The following CTNND2 variants were observed in gnomAD, a reference collection of about 807,000 sequenced individuals.
The protein encoded by CTNND2 is catenin delta-2.
Under a neutral mutation model 144.4 loss-of-function variants are expected in CTNND2, and 22 were observed. The observed-to-expected ratio is 0.15, with a 90% confidence interval of 0.11 to 0.22. CTNND2 has a LOEUF of 0.22. Ranked by LOEUF, CTNND2 falls within the 10% of genes least tolerant of loss-of-function variation. The pLI, the probability that CTNND2 is intolerant of heterozygous loss-of-function variation, is 1.00. For synonymous variants in CTNND2, 751 were observed against 695.6 expected, an observed-to-expected ratio of 1.08 and a Z score of -1.25; for missense variants, 1,353 against 1,618.8, an observed-to-expected ratio of 0.84 and a Z score of 2.82.
chr5:11,236,111 G>C (rs1185401590), intron 10 of CTNND2, among the ~76,000 whole-genome samples: 1 of 152,168 alleles, frequency 6.6e-6, no homozygotes, highest in Admixed American at 6.5e-5. Context: ...AAAACACAGA[G>C]CATGTTAACA....
chr5:11,022,786 G>A lies in CTNND2; in HGVS notation c.2982C>T (p.Ser994=). The part of the protein sequence containing the change: ...AGGIEKLVGI[S]KSKGDKHSPK... ...TAACTTACTTATCTCCTTTGCTTTT[G>A]GAGATGCCGACCAACTTCTCGATGC... Residue 994 remains serine (S), a synonymous_variant, in exon 17 of 22, where the codon TCC becomes TCT. Coordinates refer to ENST00000304623, the MANE Select transcript of CTNND2 (RefSeq NM_001332.4). The A allele has an allele frequency of 6.2e-7, 1 of 1,614,000 alleles. No homozygotes were observed. The highest frequency in any genetic ancestry group is 8.5e-7 in the Non-Finnish European group (1 of 1,179,966).
chr5:11,572,832 T>C, intron 2 of CTNND2, among the ~76,000 whole-genome samples: 1 of 152,204 alleles, frequency 6.6e-6, no homozygotes, highest in East Asian at 1.9e-4. Context: ...ACAGCAATTC[T>C]GTATTTCTTC....
chr5:11,891,968 T>A (rs1736998132), intron 1 of CTNND2, among the ~76,000 whole-genome samples: 1 of 152,222 alleles, frequency 6.6e-6, no homozygotes, highest in African/African-American at 2.4e-5. Flanking sequence ...TACTCAATTA[T>A]CCACTCAGTG....
At chr5:11,170,568 A>C (rs754360303) in intron 11 of CTNND2, among the ~76,000 whole-genome samples, 6 of 151,936 alleles carry the variant, frequency 3.9e-5, no homozygotes, top group Non-Finnish European at 7.4e-5. Flanking sequence ...TAAAACACAC[A>C]TACACACACA....
intron 1 of CTNND2, among the ~76,000 whole-genome samples, chr5:11,854,072 C>T (rs948140059): frequency 6.6e-6 from 1 of 152,120 alleles, no homozygotes; most frequent in Non-Finnish European, 1.5e-5. Flanking sequence ...CCTAAGTATC[C>T]TCCCTCTATT....
At chr5:11,324,596 T>C (rs868687279) in intron 9 of CTNND2, among the ~76,000 whole-genome samples, 1 of 152,286 alleles carries the variant, frequency 6.6e-6, no homozygotes, top group East Asian at 1.9e-4. Flanking sequence ...ATAATAACGA[T>C]GAAACTGAAT....
chr5:11,472,046 C>G (rs1412088800), intron 3 of CTNND2, among the ~76,000 whole-genome samples: 1 of 152,134 alleles, frequency 6.6e-6, no homozygotes. Flanking sequence ...TCCTAAACAA[C>G]AGTTTAATTT....
intron 3 of CTNND2, among the ~76,000 whole-genome samples, chr5:11,541,751 A>C (rs1001955086): frequency 6.6e-6 from 1 of 152,002 alleles, no homozygotes; most frequent in African/African-American, 2.4e-5. Context: ...ATCCAAATGC[A>C]TATCAGACCC....
At position 11,581,885 on chromosome 5, in the gene CTNND2, A is replaced by T. The variant is rs1047826141; in HGVS notation, c.175-16829T>A. Among the ~76,000 whole-genome samples, 3 of 152,226 alleles carry T rather than the reference A, an allele frequency of 2.0e-5. No homozygotes were observed. In the South Asian group the frequency reaches 6.2e-4, roughly 32 times the overall value. ...GAAGGGGAAGGGACGGTTTGAACTT[A>T]TGTTTAAATGTACTGTTCTCTGCTT... On this transcript the variant is annotated intron_variant, in intron 2 of 21. Transcript: ENST00000304623.
At chr5:11,628,993 C>A (rs548899259) in intron 2 of CTNND2, among the ~76,000 whole-genome samples, 4 of 152,032 alleles carry the variant, frequency 2.6e-5, no homozygotes, top group Non-Finnish European at 4.4e-5. Flanking sequence ...TTCCTCTCTA[C>A]GGGAAACCAT....
intron 10 of CTNND2, among the ~76,000 whole-genome samples, chr5:11,232,904 G>A (rs187632563): frequency 5.9e-5 from 9 of 152,198 alleles, no homozygotes; most frequent in East Asian, 1.9e-4. Flanking sequence ...TCATGTGGGC[G>A]GTTCCCCCTA....
At chr5:11,840,380 C>G (rs1235648714) in intron 1 of CTNND2, among the ~76,000 whole-genome samples, 1 of 152,034 alleles carries the variant, frequency 6.6e-6, no homozygotes, top group Admixed American at 6.6e-5. Flanking sequence ...AACTTGTGTC[C>G]CTTAAAATTA....
At chr5:11,344,574 TTTTG>T (rs1754586736) in intron 9 of CTNND2, among the ~76,000 whole-genome samples, 1 of 152,154 alleles carries the variant, frequency 6.6e-6, no homozygotes, top group Non-Finnish European at 1.5e-5. Flanking sequence ...CTTTTCTTTT[TTTTG>T]GGGGGTCTGT....
At chr5:11,182,010 T>C (rs1735081260) in intron 11 of CTNND2, among the ~76,000 whole-genome samples, 1 of 120,712 alleles carries the variant, frequency 8.3e-6, no homozygotes, top group African/African-American at 3.5e-5. Flanking sequence ...GGTGTGTGGG[T>C]GTGTGTGGCG....
At chr5:11,639,489 T>C (rs972483717) in intron 2 of CTNND2, among the ~76,000 whole-genome samples, 5 of 152,210 alleles carry the variant, frequency 3.3e-5, no homozygotes, top group African/African-American at 1.2e-4. Context: ...ATCTGTCTTA[T>C]AGCACACAAG....
At chr5:11,833,387 G>A (rs1004058863) in intron 1 of CTNND2, among the ~76,000 whole-genome samples, 19 of 152,236 alleles carry the variant, frequency 1.2e-4, no homozygotes, top group Admixed American at 2.6e-4. Flanking sequence ...ACTATGTATA[G>A]CATGATTCTA....
intron 2 of CTNND2, among the ~76,000 whole-genome samples, chr5:11,648,682 A>G (rs920166746): frequency 1.3e-5 from 2 of 152,094 alleles, no homozygotes; most frequent in African/African-American, 2.4e-5. Context: ...TATAATTTCA[A>G]CTCTGTAACT....
chr5:11,561,960 C>T (rs58420837), intron 3 of CTNND2, among the ~76,000 whole-genome samples: 3 of 152,146 alleles, frequency 2.0e-5, no homozygotes, highest in African/African-American at 7.2e-5. Flanking sequence ...GCAGGAGAAT[C>T]CCTTGAACCC....
intron 2 of CTNND2, among the ~76,000 whole-genome samples, chr5:11,615,035 C>T (rs2561629): frequency 0.04 from 6,147 of 152,166 alleles, 408 homozygotes; most frequent in African/African-American, 0.14. Context: ...GATATTCAAA[C>T]TACTTATGTT....
Sources: allele counts gnomAD v4.1 joint callset (sites outside exome capture counted in the v4.1 genomes callset), GRCh38; gene constraint gnomAD v4.1.1; transcripts MANE v1.5; gene names NCBI Gene and HGNC (gene_info 2026-07-23, HGNC 2026-07-21).